The following SLC17A1 variants were observed in gnomAD, a reference collection of about 807,000 sequenced individuals.
The protein encoded by SLC17A1 is solute carrier family 17 member 1.
Under a neutral mutation model 53.5 loss-of-function variants are expected in SLC17A1, and 51 were observed. The observed-to-expected ratio is 0.95, with a 90% CI of 0.76 to 1.20. The LOEUF (loss-of-function observed/expected upper bound fraction) is 1.20, where lower values mean the gene tolerates loss of function less well. Ranked by LOEUF, SLC17A1 falls within the 50% of genes most tolerant of loss-of-function variation. The pLI, the probability that SLC17A1 is intolerant of heterozygous loss-of-function variation, is 0.00. For missense variants in SLC17A1, 538 were observed against 568.2 expected, an observed-to-expected ratio of 0.95 and a Z score of 0.54; for synonymous variants, 179 against 198.8, an observed-to-expected ratio of 0.90 and a Z score of 0.84.
the SLC17A1 span, among the ~76,000 whole-genome samples, chr6:25,754,204 T>G: frequency 6.6e-6 from 1 of 151,952 alleles, no homozygotes; most frequent in Non-Finnish European, 1.5e-5. Context: ...TATGTATGAG[T>G]CTTCTGAAAT....
chr6:25,822,841 T>C (rs1764610494), intron 3 of SLC17A1, among the ~76,000 whole-genome samples: 1 of 152,146 alleles, frequency 6.6e-6, no homozygotes, highest in Non-Finnish European at 1.5e-5. Context: ...TTATGTAAAA[T>C]AGATAATTGA....
intron 12 of SLC17A1, among the ~76,000 whole-genome samples, chr6:25,791,712 T>C (rs958143483): frequency 6.6e-6 from 1 of 152,236 alleles, no homozygotes; most frequent in Non-Finnish European, 1.5e-5. Context: ...AGCTGCTGAA[T>C]GCTTTAAGTG....
At chr6:25,762,199 T>C in the SLC17A1 span, 4 of 647,672 alleles carry the variant, frequency 6.2e-6, no homozygotes, top group African/African-American at 1.8e-5. Context: ...AATAATTCTA[T>C]ACGGTTATAC....
the SLC17A1 span, among the ~76,000 whole-genome samples, chr6:25,752,459 G>T: frequency 6.6e-6 from 1 of 152,162 alleles, no homozygotes; most frequent in Non-Finnish European, 1.5e-5. Flanking sequence ...GAAGGCCCAG[G>T]ACATGCCTGT....
At chr6:25,778,839 G>A (rs1041340194), downstream of SLC17A1, among the ~76,000 whole-genome samples, 1 of 152,166 alleles carries the variant, frequency 6.6e-6, no homozygotes, top group African/African-American at 2.4e-5. Flanking sequence ...GAGACAAATA[G>A]GTATCTGGAG....
At chr6:25,741,148 TAA>T in the SLC17A1 span, among the ~76,000 whole-genome samples, 1 of 152,272 alleles carries the variant, frequency 6.6e-6, no homozygotes, top group Middle Eastern at 3.4e-3. Context: ...TTAAATTAGC[TAA>T]AAGAGAAGAT....
chr6:25,759,720 T>C, the SLC17A1 span, among the ~76,000 whole-genome samples: 3 of 152,218 alleles, frequency 2.0e-5, no homozygotes, highest in Non-Finnish European at 4.4e-5. Flanking sequence ...TCCATTTGCA[T>C]GGAATATCTA....
intron 10 of SLC17A1, among the ~76,000 whole-genome samples, chr6:25,807,888 T>C (rs1028933193): frequency 2.0e-5 from 3 of 152,126 alleles, no homozygotes; most frequent in African/African-American, 7.2e-5. Flanking sequence ...TTAGGCTGGT[T>C]CCATATTTTT....
chr6:25,764,546 C>T, the SLC17A1 span, among the ~76,000 whole-genome samples: 1 of 152,188 alleles, frequency 6.6e-6, no homozygotes, highest in Non-Finnish European at 1.5e-5. Flanking sequence ...AGATTTAATA[C>T]AATTTGGAAG....
the SLC17A1 span, chr6:25,727,136 G>A: frequency 1.2e-6 from 2 of 1,614,142 alleles, no homozygotes; most frequent in Non-Finnish European, 1.7e-6. Flanking sequence ...AGCGTATAGC[G>A]AGCGAGGCAT....
the SLC17A1 span, chr6:25,773,784 C>G: frequency 1.8e-6 from 2 of 1,104,502 alleles, no homozygotes; most frequent in African/African-American, 3.2e-5. Context: ...GGATTAGGAC[C>G]AGGCAGGACC....
chr6:25,726,930 G>T, the SLC17A1 span: 52 of 1,613,416 alleles, frequency 3.2e-5, no homozygotes, highest in Non-Finnish European at 4.4e-5. Flanking sequence ...GTCATCTAAA[G>T]GTGCTACCAT....
rs1158635633 is a variant in SLC17A1, at chr6:25,819,558, C to A, written c.482G>T (p.Trp161Leu). ...TCGGCCTCGTTCCAGGGGAGGAGCC[C>A]ATTTGACATATATTTCAAACTGGGC... is the stretch of plus-strand genomic sequence containing the variant. ...ATAQFEIYVK[W>L]APPLERGRLT... is the part of the protein sequence containing the mutation. Residue 161 changes from tryptophan (W) to leucine (L), a missense_variant, in exon 5 of 13, where the codon TGG becomes TTG. Physicochemically the swap from Trp to Leu is moderately conservative, Grantham distance 61 (BLOSUM62 -2). Coordinates refer to ENST00000244527, the MANE Select transcript of SLC17A1 (RefSeq NM_005074.5). 1 of 1,614,140 alleles carries A rather than the reference C, an allele frequency of 6.2e-7. No individual in the cohort carries two copies. The highest frequency in any genetic ancestry group is 1.7e-5 in the Admixed American group (1 of 60,022).
chr6:25,735,275 G>A, the SLC17A1 span, among the ~76,000 whole-genome samples: 4 of 152,316 alleles, frequency 2.6e-5, no homozygotes, highest in Non-Finnish European at 4.4e-5. Context: ...GTGGAAAATA[G>A]GGAATGTAGG....
chr6:25,763,661 C>T, the SLC17A1 span, among the ~76,000 whole-genome samples: 38 of 152,160 alleles, frequency 2.5e-4, no homozygotes, highest in African/African-American at 8.9e-4. Context: ...AATGCCCCCT[C>T]CCCCATTATC....
chr6:25,824,488 A>C (rs896069409), intron 3 of SLC17A1, among the ~76,000 whole-genome samples: 3 of 151,910 alleles, frequency 2.0e-5, no homozygotes, highest in Non-Finnish European at 4.4e-5. Flanking sequence ...CTTTTTGTTG[A>C]AGGAATGTTT....
chr6:25,810,638 T>C (rs1764121122), intron 10 of SLC17A1, among the ~76,000 whole-genome samples: 1 of 152,122 alleles, frequency 6.6e-6, no homozygotes, highest in Non-Finnish European at 1.5e-5. Context: ...GGGGAACTTT[T>C]GCATACCATT....
chr6:25,817,502 A>T (rs2151497843), intron 6 of SLC17A1, among the ~76,000 whole-genome samples: 1 of 152,354 alleles, frequency 6.6e-6, no homozygotes, highest in African/African-American at 2.4e-5. Flanking sequence ...ACTTCACAGT[A>T]AAGCTATTAT....
chr6:25,830,669 C>A, intron 1 of SLC17A1, 62 bp from the exon 2 acceptor site: 2 of 1,070,054 alleles, frequency 1.9e-6, no homozygotes, highest in Non-Finnish European at 2.8e-6. Context: ...CAAACACTAC[C>A]CAGTACTCCT....
Sources: allele counts gnomAD v4.1 joint callset (sites outside exome capture counted in the v4.1 genomes callset), GRCh38; gene constraint gnomAD v4.1.1; transcripts MANE v1.5; gene names NCBI Gene and HGNC (gene_info 2026-07-23, HGNC 2026-07-21).